ITGA8: variants seen among roughly 807,000 people sequenced by gnomAD.
The protein encoded by ITGA8 is integrin alpha-8.
ITGA8 carries 91 observed loss-of-function variants against 142.3 expected under a neutral mutation model. The observed-to-expected ratio is 0.64, with a 90% CI of 0.54 to 0.76. The LOEUF is 0.76. Among genes scored for constraint, ITGA8 ranks in the 30% least tolerant of loss-of-function variants. The probability of loss-of-function intolerance (pLI) is 0.00; values close to 1 mark genes in which losing one functional copy is unlikely to be tolerated. For missense variants in ITGA8, 1,406 were observed against 1,327.7 expected (o/e 1.06, Z -0.92); for synonymous variants, 505 against 485.2 (o/e 1.04, Z -0.54).
At chr10:15,592,336 G>A (rs774375584) in intron 21 of ITGA8, 32 bp from the exon 22 acceptor site, 1 of 1,447,636 alleles carries the variant, frequency 6.9e-7, no homozygotes, top group Admixed American at 1.7e-5. Flanking sequence ...CACAAGAGTA[G>A]CTTGTACACA....
chr10:15,719,594 C>T lies in ITGA8; in HGVS notation c.178G>A (p.Ala60Thr), dbSNP rs750394233. 2 of 1,561,030 alleles carry T rather than the reference C, an allele frequency of 1.3e-6. No homozygotes were observed. The highest frequency in any genetic ancestry group is 1.4e-5 in the African/African-American group (1 of 70,620). The change falls in exon 1 of 30, where the codon GCC (alanine) becomes ACC (threonine). Residue 60 changes from alanine (A) to threonine (T), a missense_variant. By Grantham distance (58) the Ala-to-Thr change is moderately conservative (BLOSUM62 0). Transcript: ENST00000378076. ...GCGTCGGGTATGTGGAAGTCCACGG[C>T]GTAGCCGAAGTAGCTGCCCTTGGGG... ...SGPKGSYFGY[A>T]VDFHIPDART...
chr10:15,534,686 T>C (rs1430973639), intron 27 of ITGA8, among the ~76,000 whole-genome samples: 1 of 150,910 alleles, frequency 6.6e-6, no homozygotes, highest in East Asian at 1.9e-4. Flanking sequence ...TGATATAAGA[T>C]GAGGGCTACA....
intron 8 of ITGA8, among the ~76,000 whole-genome samples, chr10:15,671,336 A>G (rs1834512967): frequency 6.6e-6 from 1 of 152,218 alleles, no homozygotes; most frequent in Non-Finnish European, 1.5e-5. Context: ...TTAGTCATCT[A>G]TATTTTTCAT....
At chr10:15,533,902 A>C (rs558938851) in intron 27 of ITGA8, among the ~76,000 whole-genome samples, 9 of 147,626 alleles carry the variant, frequency 6.1e-5, no homozygotes, top group Non-Finnish European at 8.9e-5. Flanking sequence ...TCCATTCATC[A>C]CATCACCAAT....
At chr10:15,557,427 G>A (rs1447780226) in intron 26 of ITGA8, among the ~76,000 whole-genome samples, 1 of 152,162 alleles carries the variant, frequency 6.6e-6, no homozygotes, top group Admixed American at 6.5e-5. Flanking sequence ...AGATAGTATT[G>A]CTAAGGGCTA....
chr10:15,553,997 G>GAA (rs751913266), intron 26 of ITGA8, among the ~76,000 whole-genome samples: 1 of 147,754 alleles, frequency 6.8e-6, no homozygotes. Flanking sequence ...CTTGTCTCAA[G>GAA]AAAAAAAAAA....
chr10:15,566,102 A>G (rs951347304), intron 25 of ITGA8, among the ~76,000 whole-genome samples: 1 of 152,076 alleles, frequency 6.6e-6, no homozygotes, highest in Non-Finnish European at 1.5e-5. Flanking sequence ...CTGCGGGCCC[A>G]CTCATTCTAA....
At chr10:15,601,485 GA>G (rs1196681826) in intron 20 of ITGA8, among the ~76,000 whole-genome samples, 1 of 152,162 alleles carries the variant, frequency 6.6e-6, no homozygotes, top group African/African-American at 2.4e-5. Context: ...AAAAGGTCTG[GA>G]GATGGACAGT....
chr10:15,672,548 AG>A, intron 7 of ITGA8, 75 bp downstream of exon 7: 1 of 1,484,644 alleles, frequency 6.7e-7, no homozygotes, highest in Admixed American at 2.2e-5. Context: ...CGGATAAGTC[AG>A]GGATAAAACT....
intron 28 of ITGA8, among the ~76,000 whole-genome samples, chr10:15,522,848 C>T (rs1833095802): frequency 6.6e-6 from 1 of 152,054 alleles, no homozygotes; most frequent in African/African-American, 2.4e-5. Context: ...TCTGTCTCTA[C>T]TAAAAATATA....
chr10:15,586,293 A>G (rs988113700), intron 23 of ITGA8, among the ~76,000 whole-genome samples: 1 of 152,060 alleles, frequency 6.6e-6, no homozygotes, highest in South Asian at 2.1e-4. Context: ...TCCTGACCTC[A>G]GGTGATCTGC....
chr10:15,659,942 T>C (rs1588704634), intron 9 of ITGA8, among the ~76,000 whole-genome samples: 2 of 150,528 alleles, frequency 1.3e-5, no homozygotes, highest in South Asian at 4.1e-4. Flanking sequence ...GTCAGACTTC[T>C]GGCTGCCAGA....
At chr10:15,610,656 A>T (rs1833277478) in intron 15 of ITGA8, among the ~76,000 whole-genome samples, 1 of 152,194 alleles carries the variant, frequency 6.6e-6, no homozygotes, top group Admixed American at 6.5e-5. Flanking sequence ...TGGAATAATG[A>T]TTCTGCGTTG....
At chr10:15,524,246 T>C (rs1226545374) in intron 28 of ITGA8, among the ~76,000 whole-genome samples, 1 of 152,154 alleles carries the variant, frequency 6.6e-6, no homozygotes, top group African/African-American at 2.4e-5. Flanking sequence ...TTTTGCAGCA[T>C]AGTCTAGAAG....
intron 2 of ITGA8, among the ~76,000 whole-genome samples, chr10:15,700,041 T>C (rs556634216): frequency 6.6e-6 from 1 of 152,350 alleles, no homozygotes; most frequent in South Asian, 2.1e-4. Flanking sequence ...TATTTTTGCC[T>C]ACTGATTCTC....
chr10:15,537,399 AC>A (rs1255540682), intron 27 of ITGA8, among the ~76,000 whole-genome samples: 1 of 152,190 alleles, frequency 6.6e-6, no homozygotes, highest in Admixed American at 6.5e-5. Context: ...AGCGAATTGT[AC>A]CCGTCTTTCC....
intron 14 of ITGA8, among the ~76,000 whole-genome samples, chr10:15,616,310 A>T (rs1484688166): frequency 6.6e-6 from 1 of 152,194 alleles, no homozygotes; most frequent in Non-Finnish European, 1.5e-5. Context: ...TTATGTTCAT[A>T]AAATCTGGAA....
chr10:15,626,844 G>A (rs1833592686), intron 13 of ITGA8, among the ~76,000 whole-genome samples: 1 of 152,190 alleles, frequency 6.6e-6, no homozygotes, highest in Non-Finnish European at 1.5e-5. Context: ...CAACCCTGCT[G>A]ACGCCTTGAT....
chr10:15,670,182 A>G (rs930990911), intron 8 of ITGA8, among the ~76,000 whole-genome samples: 4 of 152,234 alleles, frequency 2.6e-5, no homozygotes, highest in African/African-American at 4.8e-5. Context: ...GCATTAGTGA[A>G]ATGCAGTCAG....
Sources: allele counts gnomAD v4.1 joint callset (sites outside exome capture counted in the v4.1 genomes callset), GRCh38; gene constraint gnomAD v4.1.1; transcripts MANE v1.5; gene names NCBI Gene and HGNC (gene_info 2026-07-23, HGNC 2026-07-21).